Variants in COL8A1 observed in about 807,000 individuals in gnomAD.
COL8A1 encodes the protein collagen type VIII alpha 1 chain, also known as collagen alpha-1(VIII) chain.
Under a neutral mutation model 42.7 loss-of-function variants are expected in COL8A1, and 21 were observed. The ratio of observed to expected loss-of-function variants is 0.49; its 90% confidence interval spans 0.35 to 0.71. The LOEUF (loss-of-function observed/expected upper bound fraction) is 0.71. Among genes scored for constraint, COL8A1 ranks in the 30% least tolerant of loss-of-function variants. The pLI is 0.01. For synonymous variants in COL8A1, 367 were observed against 369.1 expected (o/e 0.99, Z 0.06); for missense variants, 788 against 962.4 (o/e 0.82, Z 2.40).
intron 1 of COL8A1, among the ~76,000 whole-genome samples, chr3:99,716,842 T>G (rs532011006): frequency 6.6e-6 from 1 of 152,176 alleles, no homozygotes; most frequent in East Asian, 1.9e-4. Context: ...AGTCATAAGG[T>G]TGTTCAGTCC....
intron 1 of COL8A1, among the ~76,000 whole-genome samples, chr3:99,644,361 T>C (rs1937603366): frequency 6.6e-6 from 1 of 152,220 alleles, no homozygotes; most frequent in South Asian, 2.1e-4. Flanking sequence ...AATAACTCCA[T>C]GGATGTCAAG....
At chr3:99,686,585 A>C (rs1398115775) in intron 1 of COL8A1, among the ~76,000 whole-genome samples, 2 of 152,240 alleles carry the variant, frequency 1.3e-5, no homozygotes, top group Admixed American at 6.5e-5. Context: ...AGAGAACATT[A>C]GGAGCAAGTG....
intron 1 of COL8A1, among the ~76,000 whole-genome samples, chr3:99,725,407 C>A (rs1940279909): frequency 6.6e-6 from 1 of 150,866 alleles, no homozygotes; most frequent in Admixed American, 6.6e-5. Flanking sequence ...ACCTGCTCAT[C>A]TTTTTTTTTA....
chr3:99,659,186 C>G (rs1357673665), intron 1 of COL8A1, among the ~76,000 whole-genome samples: 2 of 152,170 alleles, frequency 1.3e-5, no homozygotes, highest in Non-Finnish European at 1.5e-5. Context: ...TGGATAAGGC[C>G]ACGTTCACCC....
At position 99,795,489 on chromosome 3, in the gene COL8A1, C is replaced by A; in HGVS notation, c.1588C>A (p.Pro530Thr). Residue 530 changes from proline (P) to threonine (T), a missense_variant, in exon 4 of 4, where the codon CCT becomes ACT. Physicochemically the swap from Pro to Thr is conservative, Grantham distance 38 (BLOSUM62 -1). Around this residue, in one of 4 missense-constraint regions of COL8A1, gnomAD observed 154 missense variants for 182.3 expected, o/e 0.84. Transcript: ENST00000652472. Reference sequence around the variant, plus strand: ...GGGCCTCCCAGGGCCCCCTGGGTTCCCTGGTATAGGGAAACCCGGAGTGGC... The same window carrying A: ...GGGCCTCCCAGGGCCCCCTGGGTTCACTGGTATAGGGAAACCCGGAGTGGC... The part of the protein sequence containing the change: ...EPGLPGPPGF[P>T]GIGKPGVAGL... The A allele has an allele frequency of 6.4e-7, 1 of 1,564,038 alleles. No homozygotes were observed. Among genetic ancestry groups the A allele is most frequent in the East Asian group, 2.4e-5 (1 of 42,210 alleles).
At chr3:99,669,400 G>A (rs1426111479) in intron 1 of COL8A1, among the ~76,000 whole-genome samples, 5 of 151,834 alleles carry the variant, frequency 3.3e-5, no homozygotes, top group African/African-American at 1.2e-4. Flanking sequence ...GACAGGAGCA[G>A]GGTCTGTAAA....
chr3:99,795,262 T>C lies in COL8A1; in HGVS notation c.1361T>C (p.Leu454Ser), dbSNP rs761469446. The C allele has an allele frequency of 6.2e-7, 1 of 1,612,976 alleles. No homozygotes were observed. Among genetic ancestry groups the C allele is most frequent in the Non-Finnish European group, 8.5e-7 (1 of 1,179,540 alleles). The change falls in exon 4 of 4, where the codon TTG becomes TCG. Residue 454 changes from leucine (L) to serine (S), a missense_variant. By Grantham distance (145) the Leu-to-Ser change is moderately radical. Coordinates refer to ENST00000652472, the MANE Select transcript of COL8A1 (RefSeq NM_020351.4). Reference protein sequence around the residue: ...GEVGPPGMRGLPGPIGPKGEA... With the variant: ...GEVGPPGMRGSPGPIGPKGEA... ...GTAGGGCCTCCTGGCATGAGGGGTT[T>C]GCCAGGTCCCATAGGGCCCAAGGGG... is the stretch of plus-strand genomic sequence containing the variant.
At chr3:99,752,313 G>A (rs748950536) in intron 2 of COL8A1, among the ~76,000 whole-genome samples, 4 of 152,100 alleles carry the variant, frequency 2.6e-5, no homozygotes, top group Non-Finnish European at 5.9e-5. Flanking sequence ...AAAATGGTTA[G>A]TACAGGGTTT....
chr3:99,656,853 A>T (rs1938036829), intron 1 of COL8A1, among the ~76,000 whole-genome samples: 1 of 152,228 alleles, frequency 6.6e-6, no homozygotes. Flanking sequence ...AAAGAACAGC[A>T]CATTCCAAAT....
intron 1 of COL8A1, among the ~76,000 whole-genome samples, chr3:99,710,432 T>G (rs771123796): frequency 6.6e-6 from 1 of 152,206 alleles, no homozygotes; most frequent in Non-Finnish European, 1.5e-5. Context: ...TATGTATATT[T>G]TAAGGAATGT....
chr3:99,673,619 GT>G (rs1252286886), intron 1 of COL8A1, among the ~76,000 whole-genome samples: 1 of 151,926 alleles, frequency 6.6e-6, no homozygotes, highest in Non-Finnish European at 1.5e-5. Context: ...TCTTTTTCTT[GT>G]TTTTTATTAT....
At chr3:99,764,262 C>A (rs1576467822) in intron 2 of COL8A1, among the ~76,000 whole-genome samples, 1 of 152,146 alleles carries the variant, frequency 6.6e-6, no homozygotes, top group South Asian at 2.1e-4. Flanking sequence ...CAGTAGAGTT[C>A]TTTGCATGTA....
intron 1 of COL8A1, among the ~76,000 whole-genome samples, chr3:99,741,244 A>G (rs1281396949): frequency 6.6e-6 from 1 of 152,042 alleles, no homozygotes; most frequent in African/African-American, 2.4e-5. Context: ...TTGTAAATTT[A>G]ATTGGCTATT....
At chr3:99,728,752 G>A (rs1305599251) in intron 1 of COL8A1, among the ~76,000 whole-genome samples, 3 of 151,930 alleles carry the variant, frequency 2.0e-5, no homozygotes, top group Admixed American at 2.0e-4. Context: ...TAAATGTCAA[G>A]ATAATTGAAT....
chr3:99,774,908 A>C (rs1941662988), intron 2 of COL8A1, among the ~76,000 whole-genome samples: 1 of 152,230 alleles, frequency 6.6e-6, no homozygotes, highest in Admixed American at 6.5e-5. Context: ...CCAATCTTCA[A>C]GTTGAACACT....
intron 1 of COL8A1, among the ~76,000 whole-genome samples, chr3:99,676,095 A>G (rs1258749873): frequency 7.9e-5 from 12 of 152,166 alleles, no homozygotes; most frequent in Admixed American, 7.9e-4. Flanking sequence ...AGTAAATATG[A>G]CAATTTATGT....
chr3:99,710,015 C>A (rs554098935), intron 1 of COL8A1, among the ~76,000 whole-genome samples: 3 of 152,084 alleles, frequency 2.0e-5, no homozygotes, highest in African/African-American at 7.2e-5. Flanking sequence ...TTTAAATAGC[C>A]AGTATAAATT....
intron 2 of COL8A1, among the ~76,000 whole-genome samples, chr3:99,783,809 T>C (rs1326251176): frequency 2.0e-5 from 3 of 152,160 alleles, no homozygotes; most frequent in Non-Finnish European, 4.4e-5. Context: ...CTCACTATCA[T>C]GAGAATAGCA....
chr3:99,665,397 G>A (rs1938334113), intron 1 of COL8A1, among the ~76,000 whole-genome samples: 1 of 152,188 alleles, frequency 6.6e-6, no homozygotes, highest in Admixed American at 6.5e-5. Flanking sequence ...AAAGTGTTAG[G>A]TGTCTTTGCC....
Sources: allele counts gnomAD v4.1 joint callset (sites outside exome capture counted in the v4.1 genomes callset), GRCh38; gene constraint gnomAD v4.1.1; regional missense constraint gnomAD v4.1.1; transcripts MANE v1.5; gene names NCBI Gene and HGNC (gene_info 2026-07-23, HGNC 2026-07-21).